The following ZC3H14 variants were observed in gnomAD, a reference collection of about 807,000 sequenced individuals.
The protein encoded by ZC3H14 is zinc finger CCCH-type containing 14, also known as zinc finger CCCH domain-containing protein 14.
ZC3H14 carries 31 observed loss-of-function variants against 92.4 expected under a neutral mutation model. The observed-to-expected ratio is 0.34, with a 90% CI of 0.25 to 0.45. The LOEUF (loss-of-function observed/expected upper bound fraction) is 0.45, where lower values mean the gene tolerates loss of function less well. Among genes scored for constraint, ZC3H14 ranks in the 20% least tolerant of loss-of-function variants. The pLI is 1.00. For synonymous variants in ZC3H14, 321 were observed against 300.9 expected, an observed-to-expected ratio of 1.07 and a Z score of -0.69; for missense variants, 781 against 897.3, an observed-to-expected ratio of 0.87 and a Z score of 1.66.
At chr14:88,595,182 G>A (rs1267860357) in intron 9 of ZC3H14, 5 of 1,588,460 alleles carry the variant, frequency 3.1e-6, no homozygotes, top group African/African-American at 2.7e-5. Context: ...TATGTTGACT[G>A]TAGCTCTGAT....
At chr14:88,609,552 C>A in intron 14 of ZC3H14, 149 bp downstream of exon 14, 1 of 1,363,504 alleles carries the variant, frequency 7.3e-7, no homozygotes, top group Non-Finnish European at 1.0e-6. Context: ...AGCAAGTGTG[C>A]CTATCTGTAG....
intron 12 of ZC3H14, among the ~76,000 whole-genome samples, chr14:88,604,597 TTG>T (rs1491104119): frequency 4.2e-5 from 4 of 95,182 alleles, no homozygotes; most frequent in Non-Finnish European, 8.8e-5. Flanking sequence ...CTTGCTTTCT[TTG>T]TTTTTTTTTT....
intron 10 of ZC3H14, among the ~76,000 whole-genome samples, chr14:88,597,163 A>T (rs2083947544): frequency 6.6e-6 from 1 of 151,740 alleles, no homozygotes; most frequent in Admixed American, 6.6e-5. Context: ...CCTGTTTTTC[A>T]CCTGGTTAGC....
intron 3 of ZC3H14, among the ~76,000 whole-genome samples, chr14:88,569,613 GA>G (rs752313216): frequency 9.2e-5 from 14 of 152,142 alleles, no homozygotes; most frequent in Non-Finnish European, 1.8e-4. Context: ...CTCAGGCTAG[GA>G]ACTACCAGTT....
chr14:88,601,404 G>C (rs2084631159), intron 10 of ZC3H14, among the ~76,000 whole-genome samples: 1 of 152,194 alleles, frequency 6.6e-6, no homozygotes, highest in Admixed American at 6.5e-5. Flanking sequence ...ATATGTTTAA[G>C]TGTCCATTCA....
chr14:88,570,504 C>T (rs183777622), intron 3 of ZC3H14, among the ~76,000 whole-genome samples: 1 of 152,198 alleles, frequency 6.6e-6, no homozygotes, highest in East Asian at 1.9e-4. Context: ...ATTAAGTTGT[C>T]CAAGACACCA....
intron 9 of ZC3H14, among the ~76,000 whole-genome samples, chr14:88,593,270 T>C (rs1003946205): frequency 6.6e-6 from 1 of 152,214 alleles, no homozygotes; most frequent in South Asian, 2.1e-4. Context: ...CCAGCCTAGA[T>C]GTCTTTACTA....
At chr14:88,585,123 TA>T (rs2082321713) in intron 9 of ZC3H14, among the ~76,000 whole-genome samples, 1 of 152,180 alleles carries the variant, frequency 6.6e-6, no homozygotes, top group Non-Finnish European at 1.5e-5. Flanking sequence ...TATTATATCT[TA>T]AATATTATAA....
chr14:88,585,799 G>A (rs942455424), intron 9 of ZC3H14, among the ~76,000 whole-genome samples: 2 of 152,176 alleles, frequency 1.3e-5, no homozygotes, highest in African/African-American at 2.4e-5. Flanking sequence ...AAGGACTTTT[G>A]AATACCTATG....
chr14:88,595,193 G>T, intron 9 of ZC3H14: 1 of 1,573,180 alleles, frequency 6.4e-7, no homozygotes, highest in East Asian at 2.2e-5. Flanking sequence ...TAGCTCTGAT[G>T]TGGAGGGAGC....
At position 88,575,909 on chromosome 14, in the gene ZC3H14, A is replaced by G. The variant is rs779989009; in HGVS notation, c.1092A>G (p.Glu364=). ...LILKAISEAQ[E]SVTKTTNYST... ...TGAAGGCTATATCTGAAGCTCAAGAATCCGTAACAAAAACAACTAACTACT... is the reference window on the plus strand; with the variant it reads ...TGAAGGCTATATCTGAAGCTCAAGAGTCCGTAACAAAAACAACTAACTACT... Residue 364 remains glutamate (E), a synonymous_variant, in exon 8 of 17, where the codon GAA becomes GAG. Coordinates refer to ENST00000251038, the MANE Select transcript of ZC3H14 (RefSeq NM_024824.5). 3 of 1,613,834 alleles carry G rather than the reference A, an allele frequency of 1.9e-6. No individual in the cohort carries two copies. Among genetic ancestry groups the G allele is most frequent in the South Asian group, 1.1e-5 (1 of 91,082 alleles).
chr14:88,597,735 A>G (rs2084043180), intron 10 of ZC3H14, among the ~76,000 whole-genome samples: 1 of 152,176 alleles, frequency 6.6e-6, no homozygotes, highest in African/African-American at 2.4e-5. Flanking sequence ...CTCATCTCCC[A>G]GCAGTCCGTC....
In ZC3H14 at chr14:88,577,903, A is replaced by G. The variant is rs1595577796; in HGVS notation, c.1124-82A>G. 5 of 1,563,376 alleles carry G rather than the reference A, an allele frequency of 3.2e-6. No homozygotes were observed. In the South Asian group the frequency reaches 3.3e-5, roughly 10 times the overall value. On this transcript the variant is annotated intron_variant, in intron 8 of 16. Transcript: ENST00000251038. ...ATGTCCTAAACCAAAGGAGGCATTT[A>G]TATTTAATATGACATAGTCACTGTG...
At chr14:88,586,488 A>G (rs2082489077) in intron 9 of ZC3H14, 1 of 152,140 alleles carries the variant, frequency 6.6e-6, no homozygotes, top group Non-Finnish European at 1.5e-5. Context: ...TCCACACCTT[A>G]TATATATTAT....
chr14:88,566,040 C>CCCCCCCT (rs2079567943), intron 2 of ZC3H14, among the ~76,000 whole-genome samples: 1 of 44,882 alleles, frequency 2.2e-5, no homozygotes, highest in East Asian at 7.8e-4. Context: ...CCCCCCCCCC[C>CCCCCCCT]GGCTAATTTT....
At chr14:88,572,552 A>G in intron 5 of ZC3H14, 26 bp from the exon 6 acceptor site, 1 of 1,613,668 alleles carries the variant, frequency 6.2e-7, no homozygotes, top group Non-Finnish European at 8.5e-7. Context: ...TTTGGCTGTA[A>G]TACATTTTGT....
At chr14:88,569,881 T>G (rs1441326618) in intron 3 of ZC3H14, among the ~76,000 whole-genome samples, 1 of 152,214 alleles carries the variant, frequency 6.6e-6, no homozygotes, top group Non-Finnish European at 1.5e-5. Flanking sequence ...TATGATACAC[T>G]GCTGCCTCAC....
chr14:88,602,599 TAGTA>T (rs1446575893), intron 11 of ZC3H14, among the ~76,000 whole-genome samples: 1 of 152,170 alleles, frequency 6.6e-6, no homozygotes, highest in Admixed American at 6.5e-5. Context: ...AGATTGTCCT[TAGTA>T]AGTACAGGCT....
At chr14:88,583,337 G>T (rs1423180230) in intron 9 of ZC3H14, among the ~76,000 whole-genome samples, 1 of 151,748 alleles carries the variant, frequency 6.6e-6, no homozygotes, top group Non-Finnish European at 1.5e-5. Flanking sequence ...AGGCTGGTCT[G>T]GAACTCCTGA....
Sources: allele counts gnomAD v4.1 joint callset (sites outside exome capture counted in the v4.1 genomes callset), GRCh38; gene constraint gnomAD v4.1.1; transcripts MANE v1.5; gene names NCBI Gene and HGNC (gene_info 2026-07-23, HGNC 2026-07-21).